The following GPC6 variants were observed in gnomAD, a reference collection of about 807,000 sequenced individuals.
GPC6 encodes glypican-6.
A neutral mutation model predicts 55.2 loss-of-function variants in GPC6; 14 were observed. That is an observed-to-expected ratio of 0.25 (90% CI 0.17 to 0.40). The LOEUF is 0.40. Ranked by LOEUF, GPC6 falls within the 10% of genes least tolerant of loss-of-function variation. GPC6 has a pLI of 1.00. For synonymous variants in GPC6, 278 were observed against 259.6 expected, an observed-to-expected ratio of 1.07 and a Z score of -0.68; for missense variants, 641 against 708.5, an observed-to-expected ratio of 0.90 and a Z score of 1.08.
At chr13:93,263,634 G>C (rs200563247) in intron 1 of GPC6, among the ~76,000 whole-genome samples, 1 of 152,134 alleles carries the variant, frequency 6.6e-6, no homozygotes, top group Non-Finnish European at 1.5e-5. Flanking sequence ...CAAAGTGCTG[G>C]GATTACAGGC....
chr13:93,293,467 G>C (rs1398200211), intron 1 of GPC6, among the ~76,000 whole-genome samples: 2 of 151,916 alleles, frequency 1.3e-5, no homozygotes, highest in African/African-American at 4.8e-5. Context: ...AGTACTTAGG[G>C]TGAGTTGTTG....
rs11324733 is a variant in GPC6, at chr13:94,210,157, A to ATT, written c.878-76176_878-76175dup. ...GCAACCATGCCTAGCTGTATGTTTA[A>ATT]TTTTTTTTTTTTTTTTTGAGACAGA... On this transcript the variant is annotated intron_variant, in intron 4 of 8. Coordinates refer to ENST00000377047, the MANE Select transcript of GPC6 (RefSeq NM_005708.5). 6.8e-4 allele frequency among the ~76,000 whole-genome samples: 93 copies of ATT among 137,708 alleles called. 1 individual carries two copies. The highest frequency in any genetic ancestry group is 3.1e-3 in the South Asian group (13 of 4,182). 90.3% of individuals were successfully genotyped at this position (137,708 alleles called of 152,430 possible). A position where few individuals can be genotyped will look rare whatever the true frequency, so the allele number is the denominator to read the frequency against.
chr13:93,667,202 T>A (rs1471439154), intron 2 of GPC6, among the ~76,000 whole-genome samples: 1 of 152,168 alleles, frequency 6.6e-6, no homozygotes, highest in East Asian at 1.9e-4. Context: ...AGCTAAACAT[T>A]TATTTCTTTG....
chr13:93,482,769 C>G (rs577682255), intron 1 of GPC6, among the ~76,000 whole-genome samples: 14 of 152,178 alleles, frequency 9.2e-5, no homozygotes, highest in African/African-American at 3.4e-4. Flanking sequence ...TTATAGACCC[C>G]AAATTGAGAT....
chr13:94,399,080 G>A (rs1881017722), intron 8 of GPC6, among the ~76,000 whole-genome samples: 1 of 152,106 alleles, frequency 6.6e-6, no homozygotes, highest in Admixed American at 6.5e-5. Flanking sequence ...ATTAATTAGA[G>A]TCTCTACAAA....
At chr13:93,560,724 A>T (rs1260747254) in intron 2 of GPC6, among the ~76,000 whole-genome samples, 1 of 150,598 alleles carries the variant, frequency 6.6e-6, no homozygotes, top group Non-Finnish European at 1.5e-5. Context: ...CGAGATCATG[A>T]CACTGCACTC....
chr13:93,724,860 A>T (rs1883577390), intron 2 of GPC6, among the ~76,000 whole-genome samples: 1 of 151,998 alleles, frequency 6.6e-6, no homozygotes, highest in South Asian at 2.1e-4. Context: ...TCCCTTAGAG[A>T]TGTTACATCC....
intron 1 of GPC6, among the ~76,000 whole-genome samples, chr13:93,501,931 T>A (rs1419460917): frequency 6.6e-6 from 1 of 152,168 alleles, no homozygotes; most frequent in African/African-American, 2.4e-5. Context: ...GTTTAATAAT[T>A]TGAAATGCTC....
intron 3 of GPC6, among the ~76,000 whole-genome samples, chr13:93,922,131 GGT>G (rs1877608705): frequency 6.6e-6 from 1 of 152,162 alleles, no homozygotes; most frequent in Non-Finnish European, 1.5e-5. Context: ...ATAGTGAAAA[GGT>G]GTGGGAAAGA....
At chr13:93,498,132 A>C (rs1880379253) in intron 1 of GPC6, among the ~76,000 whole-genome samples, 1 of 152,090 alleles carries the variant, frequency 6.6e-6, no homozygotes, top group Non-Finnish European at 1.5e-5. Context: ...GTTTCCTCCT[A>C]ATTTGCCAAT....
intron 2 of GPC6, among the ~76,000 whole-genome samples, chr13:93,725,512 A>G (rs913773627): frequency 1.3e-5 from 2 of 152,064 alleles, no homozygotes; most frequent in African/African-American, 2.4e-5. Context: ...AGAGCTTGAA[A>G]TAAAAAAGAG....
chr13:94,011,824 G>A (rs1882259090), intron 3 of GPC6, among the ~76,000 whole-genome samples: 1 of 152,054 alleles, frequency 6.6e-6, no homozygotes, highest in South Asian at 2.1e-4. Context: ...CTTCTGCTGT[G>A]GATCTTGCTC....
At chr13:94,292,639 T>C (rs569543692) in intron 5 of GPC6, among the ~76,000 whole-genome samples, 34 of 152,312 alleles carry the variant, frequency 2.2e-4, no homozygotes, top group African/African-American at 7.9e-4. Flanking sequence ...GTATCTCTCT[T>C]ATGTATATGA....
chr13:93,612,538 C>CACAT (rs1878524890), intron 2 of GPC6, among the ~76,000 whole-genome samples: 1 of 151,266 alleles, frequency 6.6e-6, no homozygotes, highest in Non-Finnish European at 1.5e-5. Flanking sequence ...CACACACACA[C>CACAT]ACACAAACTT....
At chr13:94,342,588 G>C (rs986343445) in intron 6 of GPC6, among the ~76,000 whole-genome samples, 3 of 152,170 alleles carry the variant, frequency 2.0e-5, no homozygotes, top group African/African-American at 7.2e-5. Context: ...AGAAGTGTGA[G>C]AGAATACATT....
At chr13:94,028,045 G>C in intron 4 of GPC6, 151 bp downstream of exon 4, 1 of 750,094 alleles carries the variant, frequency 1.3e-6, no homozygotes, top group Non-Finnish European at 2.3e-6. Context: ...CAGATGGATT[G>C]CTTGAGCCCA....
Position 93,696,237 on chromosome 13 carries a change from A to G in GPC6, c.320-133917A>G, listed in dbSNP as rs116185303. Among the ~76,000 whole-genome samples the G allele has an allele frequency of 1.6e-3, 243 of 152,266 alleles. 3 individuals are homozygous for G. The highest frequency in any genetic ancestry group is 5.6e-3 in the African/African-American group (234 of 41,566). On this transcript the variant is annotated intron_variant, in intron 2 of 8. Transcript: ENST00000377047. ...TGGTAAATGTGCTTGATAAGACAGA[A>G]AGCATCATTTCCAACTGATGTAAAT... is the stretch of plus-strand genomic sequence containing the variant.
At chr13:93,701,832 TCA>T (rs1394751948) in intron 2 of GPC6, among the ~76,000 whole-genome samples, 1 of 152,040 alleles carries the variant, frequency 6.6e-6, no homozygotes, top group African/African-American at 2.4e-5. Flanking sequence ...TTGCAGCAAT[TCA>T]GTTACATACT....
intron 2 of GPC6, among the ~76,000 whole-genome samples, chr13:93,628,797 C>T (rs1257832448): frequency 6.6e-6 from 1 of 151,894 alleles, no homozygotes; most frequent in African/African-American, 2.4e-5. Flanking sequence ...AAATGAAGCC[C>T]ATGTTTTAGA....
Sources: gnomAD v4.1 joint callset for allele counts (sites outside exome capture counted in the v4.1 genomes callset) on GRCh38, gnomAD v4.1.1 for gene constraint, MANE v1.5 for transcripts, NCBI Gene and HGNC (gene_info 2026-07-23, HGNC 2026-07-21) for gene names.